Variants in RNF216 observed in about 807,000 individuals in gnomAD.
The protein encoded by RNF216 is ring finger protein 216.
Under a neutral mutation model 110.8 loss-of-function variants are expected in RNF216, and 72 were observed. The ratio of observed to expected loss-of-function variants is 0.65; its 90% CI spans 0.54 to 0.79. The LOEUF is 0.79. Ranked by LOEUF, RNF216 falls within the 30% of genes least tolerant of loss-of-function variation. RNF216 has a pLI of 0.00. For missense variants in RNF216, 1,342 were observed against 1,141.2 expected, an observed-to-expected ratio of 1.18 and a Z score of -2.54; for synonymous variants, 495 against 407.5, an observed-to-expected ratio of 1.21 and a Z score of -2.59.
intron 5 of RNF216, among the ~76,000 whole-genome samples, chr7:5,738,525 G>T (rs1794568218): frequency 6.6e-6 from 1 of 151,984 alleles, no homozygotes; most frequent in South Asian, 2.1e-4. Flanking sequence ...TGGCTAACAT[G>T]GTGAAACCCC....
intron 11 of RNF216, 119 bp from the exon 12 acceptor site, chr7:5,712,982 T>C (rs1792813887): frequency 1.2e-5 from 11 of 916,232 alleles, no homozygotes; most frequent in Non-Finnish European, 1.8e-5. Context: ...CTCTGCCTGT[T>C]CATCTCTGAG....
chr7:5,639,022 T>A (rs118108960), intron 15 of RNF216, among the ~76,000 whole-genome samples: 2,819 of 152,276 alleles, frequency 0.019, 39 homozygotes, highest in Non-Finnish European at 0.029. Context: ...CTCCTCAGTA[T>A]AACATCTTCC....
intron 13 of RNF216, among the ~76,000 whole-genome samples, chr7:5,670,124 G>C (rs913197352): frequency 6.6e-5 from 10 of 151,944 alleles, no homozygotes; most frequent in Non-Finnish European, 7.4e-5. Context: ...AGTAGAGACG[G>C]GGCTTCACCA....
chr7:5,641,455 T>G, intron 14 of RNF216, 79 bp from the exon 15 acceptor site: 1 of 1,166,236 alleles, frequency 8.6e-7, no homozygotes, highest in Non-Finnish European at 1.2e-6. Context: ...ATTTATTTAT[T>G]TTCACATAAA....
chr7:5,755,249 AGG>A (rs1421937770), intron 2 of RNF216, among the ~76,000 whole-genome samples: 1 of 151,458 alleles, frequency 6.6e-6, no homozygotes, highest in Non-Finnish European at 1.5e-5. Context: ...AAAGGAAGGA[AGG>A]AAGGAAGGAA....
chr7:5,652,445 A>G lies in RNF216; in HGVS notation c.2127T>C (p.Ala709=), dbSNP rs1485435627. 1.9e-6 allele frequency: 3 copies of G among 1,613,676 alleles called. No individual in the cohort carries two copies. The highest frequency in any genetic ancestry group is 2.7e-5 in the African/African-American group (2 of 74,926). The change falls in exon 14 of 17, where the codon GCT becomes GCC. Residue 709 remains alanine (A), a synonymous_variant. Transcript: ENST00000389902. The part of the protein sequence containing the change: ...EHNGLTCEEL[A]EKDDIKYRTS... Reference sequence around the variant, plus strand: ...TACGGTACTTGATGTCGTCTTTTTCAGCCAGCTCTTCACAGGTGAGGCCAT... The same window carrying G: ...TACGGTACTTGATGTCGTCTTTTTCGGCCAGCTCTTCACAGGTGAGGCCAT...
At chr7:5,688,187 C>A (rs1231903939) in intron 13 of RNF216, among the ~76,000 whole-genome samples, 1 of 152,072 alleles carries the variant, frequency 6.6e-6, no homozygotes, top group African/African-American at 2.4e-5. Context: ...GAAAGCATTT[C>A]AAAAATGATT....
rs183697451 is a variant in RNF216, at chr7:5,627,654, G to A, written c.2383-3529C>T. Among the ~76,000 whole-genome samples, 230 of 152,168 alleles carry A rather than the reference G, an allele frequency of 1.5e-3. 1 individual carries two copies. Among genetic ancestry groups the A allele is most frequent in the African/African-American group, 5.1e-3 (211 of 41,518 alleles). On this transcript the variant is annotated intron_variant, in intron 15 of 16. Transcript: ENST00000389902. ...CCCAGCTACTCGGGAGGCTGAGGCA[G>A]GAGAATGGCTTGAACCTGGGAGGTG...
intron 15 of RNF216, among the ~76,000 whole-genome samples, chr7:5,635,615 A>C (rs1787350510): frequency 6.6e-6 from 1 of 152,102 alleles, no homozygotes; most frequent in Non-Finnish European, 1.5e-5. Context: ...GACTTTCTGC[A>C]TGCCTGATCC....
At chr7:5,652,237 G>C (rs1032598176) in intron 14 of RNF216, among the ~76,000 whole-genome samples, 176 bp downstream of exon 14, 2 of 152,142 alleles carry the variant, frequency 1.3e-5, no homozygotes, top group Non-Finnish European at 2.9e-5. Flanking sequence ...ATAACTCCAT[G>C]AGGCTGCAGA....
intron 11 of RNF216, 92 bp downstream of exon 11, chr7:5,714,961 T>C: frequency 1.6e-6 from 2 of 1,242,910 alleles, no homozygotes; most frequent in South Asian, 1.6e-5. Context: ...CACCTCACCC[T>C]CAAAGAGGCA....
At chr7:5,769,510 C>T (rs1335332157) in intron 1 of RNF216, among the ~76,000 whole-genome samples, 2 of 150,756 alleles carry the variant, frequency 1.3e-5, no homozygotes, top group African/African-American at 4.9e-5. Flanking sequence ...ACTGCTTGAG[C>T]TCAGGAGTTC....
At position 5,730,813 on chromosome 7, in the gene RNF216, A is replaced by C; in HGVS notation, c.1126T>G (p.Cys376Gly). The stretch of plus-strand genomic sequence containing the variant: ...TCTGGGTTTTCCAGAAGAAAATTAC[A>C]AAGTCTGCAGAAACAAATGATGTTA... ...FKNYYDLNVL[C>G]NFLLENPDYP... Residue 376 changes from cysteine (C) to glycine (G), a missense_variant, in exon 6 of 17, where the codon TGT becomes GGT. Cys to Gly is a radical substitution (Grantham distance 159, BLOSUM62 -3). Transcript: ENST00000389902. The C allele has an allele frequency of 6.3e-7, 1 of 1,578,214 alleles. No homozygotes were observed. The highest frequency in any genetic ancestry group is 8.6e-7 in the Non-Finnish European group (1 of 1,159,826).
At chr7:5,720,324 A>G (rs1793338794) in intron 9 of RNF216, among the ~76,000 whole-genome samples, 2 of 152,186 alleles carry the variant, frequency 1.3e-5, no homozygotes, top group Non-Finnish European at 2.9e-5. Flanking sequence ...TCTCATGCTG[A>G]TCCACACTTC....
intron 13 of RNF216, among the ~76,000 whole-genome samples, chr7:5,684,398 C>G (rs985843712): frequency 6.6e-6 from 1 of 152,142 alleles, no homozygotes; most frequent in African/African-American, 2.4e-5. Context: ...CGAGCCACTG[C>G]GCCTGGCCCA....
intron 4 of RNF216, 44 bp downstream of exon 4, chr7:5,740,929 C>T: frequency 6.9e-7 from 1 of 1,454,032 alleles, no homozygotes; most frequent in Non-Finnish European, 9.1e-7. Flanking sequence ...GAAAAAAACT[C>T]AGTATATGTA....
chr7:5,758,000 G>GA (rs946816965), intron 2 of RNF216, among the ~76,000 whole-genome samples: 11 of 150,728 alleles, frequency 7.3e-5, no homozygotes, highest in Non-Finnish European at 1.6e-4. Context: ...CTTGATTAAA[G>GA]AAAAAAAAAT....
chr7:5,660,956 T>G (rs1032301835), intron 13 of RNF216, among the ~76,000 whole-genome samples: 2 of 146,314 alleles, frequency 1.4e-5, no homozygotes, highest in African/African-American at 5.2e-5. Context: ...TTTTTTTTTT[T>G]TTTTTTTTTT....
intron 8 of RNF216, among the ~76,000 whole-genome samples, chr7:5,723,226 T>C (rs1296386289): frequency 2.6e-5 from 4 of 152,250 alleles, no homozygotes; most frequent in Non-Finnish European, 5.9e-5. Flanking sequence ...TCAATGTTAA[T>C]TACTGTAATT....
Sources: gnomAD v4.1 joint callset for allele counts (sites outside exome capture counted in the v4.1 genomes callset) on GRCh38, gnomAD v4.1.1 for gene constraint, MANE v1.5 for transcripts, NCBI Gene and HGNC (gene_info 2026-07-23, HGNC 2026-07-21) for gene names.